The following FAM161A variants were observed in gnomAD, a reference collection of about 807,000 sequenced individuals.
FAM161A encodes the protein FAM161 centrosomal protein A, also known as protein FAM161A.
A neutral mutation model predicts 70.9 loss-of-function variants in FAM161A; 57 were observed. The ratio of observed to expected loss-of-function variants is 0.80; its 90% CI spans 0.65 to 1.00. The LOEUF is 1.00. Among genes scored for constraint, FAM161A ranks in the 50% least tolerant of loss-of-function variants. FAM161A has a pLI of 0.00. For synonymous variants in FAM161A, 299 were observed against 295.7 expected (o/e 1.01, Z -0.12); for missense variants, 880 against 836.0 (o/e 1.05, Z -0.65).
At chr2:61,838,954 C>A (rs1672889728) in intron 3 of FAM161A, among the ~76,000 whole-genome samples, 1 of 150,964 alleles carries the variant, frequency 6.6e-6, no homozygotes, top group South Asian at 2.1e-4. Context: ...GTGATCTCGG[C>A]TCACTGCAAC....
the FAM161A span, among the ~76,000 whole-genome samples, chr2:61,817,068 C>T: frequency 6.6e-6 from 1 of 152,080 alleles, no homozygotes; most frequent in African/African-American, 2.4e-5. Flanking sequence ...AAAGCTTTAC[C>T]AAGATTTAAT....
chr2:61,844,855 T>C (rs1673148603), intron 1 of FAM161A, among the ~76,000 whole-genome samples: 1 of 152,134 alleles, frequency 6.6e-6, no homozygotes, highest in South Asian at 2.1e-4. Context: ...GAGAGACAGA[T>C]GTATGTCACA....
the FAM161A span, among the ~76,000 whole-genome samples, chr2:61,804,118 C>T: frequency 6.6e-6 from 1 of 152,194 alleles, no homozygotes; most frequent in South Asian, 2.1e-4. Context: ...CATTTTAGAC[C>T]ATATAGGGTA....
intron 1 of FAM161A, 63 bp from the exon 2 acceptor site, chr2:61,842,423 T>C (rs1196064828): frequency 2.0e-6 from 2 of 988,752 alleles, no homozygotes; most frequent in African/African-American, 1.6e-5. Context: ...AAGCTGACAC[T>C]GATCCAAAAT....
chr2:61,802,219 G>A, the FAM161A span, among the ~76,000 whole-genome samples: 1 of 152,078 alleles, frequency 6.6e-6, no homozygotes, highest in African/African-American at 2.4e-5. Context: ...GACCGCAGGG[G>A]ACATAAGACC....
At chr2:61,828,002 T>C (rs75511893) in intron 5 of FAM161A, among the ~76,000 whole-genome samples, 27,092 of 152,176 alleles carry the variant, frequency 0.18, 2,559 homozygotes, top group Middle Eastern at 0.22. Context: ...ATGATCTATA[T>C]AAAGTTCAGA....
intron 1 of FAM161A, among the ~76,000 whole-genome samples, chr2:61,850,471 G>A (rs1054375722): frequency 6.6e-6 from 1 of 152,178 alleles, no homozygotes; most frequent in African/African-American, 2.4e-5. Flanking sequence ...CGACAGTGGA[G>A]CCAGGCACAG....
chr2:61,814,777 C>T, the FAM161A span, among the ~76,000 whole-genome samples: 1 of 152,208 alleles, frequency 6.6e-6, no homozygotes, highest in Non-Finnish European at 1.5e-5. Context: ...CACAGCTCCT[C>T]CTACAACCTG....
chr2:61,842,930 G>A (rs1224731284), intron 1 of FAM161A, among the ~76,000 whole-genome samples: 2 of 152,190 alleles, frequency 1.3e-5, no homozygotes, highest in Non-Finnish European at 2.9e-5. Context: ...CTTTGGGAGG[G>A]AGTAAGAGGA....
At position 61,839,504 on chromosome 2, in the gene FAM161A, T is replaced by A; in HGVS notation, c.1500A>T (p.Arg500Ser). The A allele has an allele frequency of 6.2e-7, 1 of 1,614,182 alleles. No individual in the cohort carries two copies. Among genetic ancestry groups the A allele is most frequent in the Non-Finnish European group, 8.5e-7 (1 of 1,180,024 alleles). Residue 500 changes from arginine (R) to serine (S), a missense_variant, in exon 3 of 7, where the codon AGA becomes AGT. Transcript: ENST00000404929. Reference protein sequence around the residue: ...YLSPRRKSPVRCAGVNPVPCN... With the variant: ...YLSPRRKSPVSCAGVNPVPCN... ...AAGGCACAGGGTTTACACCTGCACA[T>A]CTTACTGGTGACTTACGCCTTGGAG...
intron 1 of FAM161A, among the ~76,000 whole-genome samples, chr2:61,842,950 G>C (rs1016074051): frequency 9.2e-5 from 14 of 152,152 alleles, no homozygotes; most frequent in African/African-American, 3.4e-4. Flanking sequence ...ACATGGGAGG[G>C]GGTAGGAGGG....
chr2:61,848,926 TTATATA>T (rs1317815000), intron 1 of FAM161A, among the ~76,000 whole-genome samples: 14 of 776 alleles, frequency 0.018, 3 homozygotes, highest in African/African-American at 0.11. Context: ...TTATATATAT[TTATATA>T]TATATATTTA....
chr2:61,831,742 A>T (rs1672581946), intron 5 of FAM161A, among the ~76,000 whole-genome samples: 1 of 152,150 alleles, frequency 6.6e-6, no homozygotes, highest in South Asian at 2.1e-4. Context: ...AATGCATATA[A>T]AGTGCTTAGT....
At chr2:61,841,865 A>C (rs948758086) in intron 2 of FAM161A, among the ~76,000 whole-genome samples, 1 of 152,248 alleles carries the variant, frequency 6.6e-6, no homozygotes, top group Non-Finnish European at 1.5e-5. Flanking sequence ...GCACAGACTA[A>C]GTATTTTGAT....
intron 5 of FAM161A, 91 bp downstream of exon 5, chr2:61,835,912 TATAACAC>T (rs974641633): frequency 9.7e-6 from 8 of 822,164 alleles, no homozygotes; most frequent in Non-Finnish European, 1.7e-5. Context: ...TCAACAGTTA[TATAACAC>T]ATAAGAAAAA....
chr2:61,804,768 G>GAAAGAAGAAAGAAAGAAAGAAAGAA, the FAM161A span, among the ~76,000 whole-genome samples: 5 of 119,038 alleles, frequency 4.2e-5, no homozygotes, highest in African/African-American at 1.6e-4. Flanking sequence ...GAAAAAGAAA[G>GAAAGAAGAAAGAAAGAAAGAAAGAA]AGAAAGAAAG....
At chr2:61,850,423 G>C (rs962453497) in intron 1 of FAM161A, among the ~76,000 whole-genome samples, 1 of 151,820 alleles carries the variant, frequency 6.6e-6, no homozygotes, top group Non-Finnish European at 1.5e-5. Context: ...GTGTGCGTTC[G>C]TGTGTATGTG....
At chr2:61,834,044 A>G (rs191205726) in intron 5 of FAM161A, among the ~76,000 whole-genome samples, 41 of 152,314 alleles carry the variant, frequency 2.7e-4, no homozygotes, top group Admixed American at 2.5e-3. Flanking sequence ...TTCTAAAAAA[A>G]TCAGACAGAC....
intron 5 of FAM161A, among the ~76,000 whole-genome samples, chr2:61,832,242 C>CAAAAAAAA (rs752145480): frequency 1.5e-5 from 2 of 137,312 alleles, no homozygotes; most frequent in African/African-American, 2.7e-5. Context: ...GACCCTGTCA[C>CAAAAAAAA]ACACACACAA....
Sources: allele counts gnomAD v4.1 joint callset (sites outside exome capture counted in the v4.1 genomes callset), GRCh38; gene constraint gnomAD v4.1.1; transcripts MANE v1.5; gene names NCBI Gene and HGNC (gene_info 2026-07-23, HGNC 2026-07-21).